Variants in COL11A1 observed in about 807,000 individuals in gnomAD.
COL11A1 encodes collagen type XI alpha 1 chain.
COL11A1 carries 74 observed loss-of-function variants against 265.2 expected under a neutral mutation model. The ratio of observed to expected loss-of-function variants is 0.28; its 90% CI spans 0.23 to 0.34. The LOEUF is 0.34. COL11A1 is among the 10% of genes least tolerant of loss of function. COL11A1 has a pLI of 1.00. For synonymous variants in COL11A1, 816 were observed against 727.6 expected (o/e 1.12, Z -1.96); for missense variants, 2,165 against 2,263.6 (o/e 0.96, Z 0.88).
At chr1:103,108,033 G>C (rs542313907) in intron 1 of COL11A1, 40 bp downstream of exon 1, 6 of 1,478,414 alleles carry the variant, frequency 4.1e-6, no homozygotes, top group Non-Finnish European at 5.7e-6. Context: ...CAGTAGGACC[G>C]ACGGCAATCT....
intron 57 of COL11A1, among the ~76,000 whole-genome samples, chr1:102,895,598 T>C (rs113624852): frequency 6.6e-6 from 1 of 152,174 alleles, no homozygotes; most frequent in Non-Finnish European, 1.5e-5. Context: ...GAAAGTATTA[T>C]TATTATAGCT....
rs1248749991 is a variant in COL11A1 at position 102,970,177 on chromosome 1, C to T, written c.2862+42G>A. 2.2e-5 allele frequency: 34 copies of T among 1,541,586 alleles called. No homozygotes were observed. The Admixed American group carries it at 5.4e-4, about 24-fold the overall frequency. ...TTTCTATGTATGAACTGATGAGGTG[C>T]TAGAGATGGAAATTTTTAATAAGAG... On this transcript the variant is annotated intron_variant, in intron 37 of 66. Transcript: ENST00000370096.
intron 47 of COL11A1, 90 bp downstream of exon 47, chr1:102,923,246 A>G (rs1656192930): frequency 9.8e-7 from 1 of 1,021,740 alleles, no homozygotes; most frequent in East Asian, 2.6e-5. Flanking sequence ...TAATATATAC[A>G]TAGTAATGAA....
chr1:103,098,324 G>A (rs879752822), intron 1 of COL11A1, among the ~76,000 whole-genome samples: 4 of 151,876 alleles, frequency 2.6e-5, no homozygotes, highest in Non-Finnish European at 2.9e-5. Context: ...TCGACTTCCA[G>A]TGCCTAGTTA....
At position 102,889,572 on chromosome 1, in the gene COL11A1, G is replaced by T; in HGVS notation, c.4357-10C>A. On this transcript the variant is annotated splice_polypyrimidine_tract_variant and intron_variant, in intron 58 of 66. Transcript: ENST00000370096. ...TTAAACCAGGATGTCCCTTTGAAAG[G>T]CAGAGAAAAAAAATAATAACATGTA... 1 of 1,592,384 alleles carries T rather than the reference G, an allele frequency of 6.3e-7. No homozygotes were observed. The highest frequency in any genetic ancestry group is 8.6e-7 in the Non-Finnish European group (1 of 1,161,070).
At chr1:102,882,586 A>C (rs183169088) in intron 64 of COL11A1, among the ~76,000 whole-genome samples, 17 of 152,290 alleles carry the variant, frequency 1.1e-4, no homozygotes, top group Non-Finnish European at 2.1e-4. Flanking sequence ...TTTACTAGGA[A>C]GAATGAGATT....
intron 49 of COL11A1, among the ~76,000 whole-genome samples, chr1:102,919,699 G>T (rs1187612279): frequency 6.6e-6 from 1 of 151,824 alleles, no homozygotes. Flanking sequence ...TTTTATAAAA[G>T]GAAGAGCAGA....
chr1:102,961,626 A>T (rs930607895), intron 41 of COL11A1: 61 of 452,732 alleles, frequency 1.3e-4, no homozygotes, highest in Non-Finnish European at 3.2e-5. Context: ...AACCGTAAGA[A>T]GCAAGATATC....
intron 2 of COL11A1, among the ~76,000 whole-genome samples, chr1:103,079,804 C>T (rs1265198927): frequency 6.6e-6 from 1 of 151,890 alleles, no homozygotes; most frequent in Non-Finnish European, 1.5e-5. Context: ...GTGTAATCAA[C>T]AATATCTAGC....
chr1:103,051,706 G>C (rs1456853523), intron 4 of COL11A1, among the ~76,000 whole-genome samples: 7 of 152,202 alleles, frequency 4.6e-5, no homozygotes, highest in Non-Finnish European at 8.8e-5. Flanking sequence ...CACGCTGGGA[G>C]CTGTAGACTG....
chr1:103,066,422 G>C (rs1671150984), intron 4 of COL11A1, among the ~76,000 whole-genome samples: 1 of 151,236 alleles, frequency 6.6e-6, no homozygotes, highest in African/African-American at 2.4e-5. Flanking sequence ...ATATTAGCAA[G>C]AAATATATCA....
chr1:102,923,476 T>C, intron 46 of COL11A1, 87 bp from the exon 47 acceptor site: 1 of 969,658 alleles, frequency 1.0e-6, no homozygotes, highest in Non-Finnish European at 1.6e-6. Context: ...AAATCAAGTA[T>C]AAAGTTCAAT....
chr1:103,056,400 A>G (rs1670252512), intron 4 of COL11A1, among the ~76,000 whole-genome samples: 1 of 152,200 alleles, frequency 6.6e-6, no homozygotes, highest in African/African-American at 2.4e-5. Flanking sequence ...TTCTGAATTT[A>G]TGTTATGTGA....
intron 42 of COL11A1, among the ~76,000 whole-genome samples, chr1:102,943,135 CATA>C (rs1340624842): frequency 6.6e-6 from 1 of 151,932 alleles, no homozygotes; most frequent in South Asian, 2.1e-4. Context: ...ATATGCACCA[CATA>C]ATAATAATAA....
At chr1:102,983,413 G>A (rs1421365903) in intron 31 of COL11A1, among the ~76,000 whole-genome samples, 1 of 152,030 alleles carries the variant, frequency 6.6e-6, no homozygotes, top group Non-Finnish European at 1.5e-5. Flanking sequence ...GGATCCACCT[G>A]GATTGCCTAG....
chr1:102,945,134 G>A (rs769585876), intron 42 of COL11A1, among the ~76,000 whole-genome samples: 1 of 152,080 alleles, frequency 6.6e-6, no homozygotes, highest in Admixed American at 6.6e-5. Context: ...GCAACAGTGT[G>A]GGGGAGTAGG....
chr1:102,950,918 C>A (rs1293023724), intron 41 of COL11A1, among the ~76,000 whole-genome samples: 1 of 152,146 alleles, frequency 6.6e-6, no homozygotes, highest in Non-Finnish European at 1.5e-5. Context: ...CTTATGGGAT[C>A]TGATGGTTTA....
At chr1:102,972,397 G>T (rs535932972) in intron 36 of COL11A1, among the ~76,000 whole-genome samples, 1 of 151,964 alleles carries the variant, frequency 6.6e-6, no homozygotes, top group East Asian at 1.9e-4. Context: ...AGGTCTAAGC[G>T]ATCACATCCT....
chr1:103,081,760 G>A (rs1672431245), intron 2 of COL11A1, among the ~76,000 whole-genome samples: 1 of 151,796 alleles, frequency 6.6e-6, no homozygotes, highest in African/African-American at 2.4e-5. Flanking sequence ...GATAATATAG[G>A]ATAATATGAA....
Sources: allele counts gnomAD v4.1 joint callset (sites outside exome capture counted in the v4.1 genomes callset), GRCh38; gene constraint gnomAD v4.1.1; transcripts MANE v1.5; gene names NCBI Gene and HGNC (gene_info 2026-07-23, HGNC 2026-07-21).